MBD3: variants seen among roughly 807,000 people sequenced by gnomAD.
The protein encoded by MBD3 is methyl-CpG-binding domain protein 3.
A neutral mutation model predicts 31.2 loss-of-function variants in MBD3; 13 were observed. That is an observed-to-expected ratio of 0.42 (90% confidence interval 0.27 to 0.66). The LOEUF (loss-of-function observed/expected upper bound fraction) is 0.66. Among genes scored for constraint, MBD3 ranks in the 30% least tolerant of loss-of-function variants. The pLI, the probability that MBD3 is intolerant of heterozygous loss-of-function variation, is 0.26. For missense variants in MBD3, 440 were observed against 426.5 expected (o/e 1.03, Z -0.28); for synonymous variants, 223 against 187.4 (o/e 1.19, Z -1.55).
Position 1,585,239 on chromosome 19 carries a change from G to A in MBD3, c.111-25C>T, listed in dbSNP as rs993493523. On this transcript the variant is annotated intron_variant, in intron 1 of 6. Transcript: ENST00000434436. The surrounding 1 kb of genome is among the most constrained non-coding windows in gnomAD (Gnocchi z 4.1). Reference sequence around the variant, plus strand: ...GCTGCGGGGAGGCGGGACGGTCGGCGCCCCGGGCGGACCCCAGACCCCAAA... The same window carrying A: ...GCTGCGGGGAGGCGGGACGGTCGGCACCCCGGGCGGACCCCAGACCCCAAA... 1.9e-6 allele frequency: 3 copies of A among 1,554,024 alleles called. No homozygotes were observed. The highest frequency in any genetic ancestry group is 1.2e-5 in the South Asian group (1 of 86,174).
At position 1,582,653 on chromosome 19, in the gene MBD3, G is replaced by C. The variant is rs140807955; in HGVS notation, c.468C>G (p.Val156=). The C allele has an allele frequency of 3.7e-5, 60 of 1,613,988 alleles. No individual in the cohort carries two copies. The Middle Eastern group carries it at 6.6e-4, about 18-fold the overall frequency. Residue 156 remains valine (V), a synonymous_variant, in exon 4 of 7, where the codon GTC becomes GTG. Coordinates refer to ENST00000434436, the MANE Select transcript of MBD3 (RefSeq NM_001281453.2). ...LNAFDIAEEL[V]KTMDLPKGLQ... The stretch of plus-strand genomic sequence containing the variant: ...GGCCCTTGGGGAGGTCCATGGTCTT[G>C]ACCAGCTCCTCAGCAATGTCGAAGG...
rs1599337949 is a variant in MBD3, at chr19:1,578,074, T to G, written c.*90A>C. On this transcript the variant is annotated 3_prime_UTR_variant, in exon 7 of 7. Transcript: ENST00000434436. The surrounding 1 kb of genome is among the most constrained non-coding windows in gnomAD (Gnocchi z 6.1). ...CTCCTGGGTGTCTCCAAGGCTGGGC[T>G]TCGCCGCCGAGCCTGGTTCACGTGG... 1 of 577,956 alleles carries G rather than the reference T, an allele frequency of 1.7e-6. No homozygotes were observed. Among genetic ancestry groups the G allele is most frequent in the Admixed American group, 3.1e-5 (1 of 32,496 alleles). 35.8% of individuals were successfully genotyped at this position (577,956 alleles called of 1,614,324 possible). A position where few individuals can be genotyped will look rare whatever the true frequency, so the allele number is the denominator to read the frequency against.
At chr19:1,582,225 C>G (rs1029406440) in intron 4 of MBD3, among the ~76,000 whole-genome samples, 1 of 152,162 alleles carries the variant, frequency 6.6e-6, no homozygotes, top group African/African-American at 2.4e-5. Flanking sequence ...AAAACAACCA[C>G]CAAAACCATG....
rs982544522 is a variant in MBD3, at chr19:1,575,533, C to T, written c.*2631G>A. On this transcript the variant is annotated 3_prime_UTR_variant, in exon 7 of 7. Transcript: ENST00000434436. Reference sequence around the variant, plus strand: ...GGGCAGGCTGGTCATGAGGCCCCCACGAAAGATCCCAGCATTGGGAGCTCA... The same window carrying T: ...GGGCAGGCTGGTCATGAGGCCCCCATGAAAGATCCCAGCATTGGGAGCTCA... 5.7e-5 allele frequency: 11 copies of T among 194,568 alleles called. No homozygotes were observed. Among genetic ancestry groups the T allele is most frequent in the South Asian group, 2.0e-4 (3 of 14,888 alleles). 12.1% of individuals were successfully genotyped at this position (194,568 alleles called of 1,614,324 possible). A position where few individuals can be genotyped will look rare whatever the true frequency, so the allele number is the denominator to read the frequency against.
chr19:1,586,728 T>C (rs899914039), intron 1 of MBD3, among the ~76,000 whole-genome samples: 1 of 150,906 alleles, frequency 6.6e-6, no homozygotes. Context: ...GTGAAGTGGC[T>C]CGATCTTGGC....
rs1186286575 is a variant in MBD3, at chr19:1,585,155, A to T, written c.170T>A (p.Met57Lys). 1.2e-6 allele frequency: 2 copies of T among 1,610,402 alleles called. No homozygotes were observed. The highest frequency in any genetic ancestry group is 1.7e-6 in the Non-Finnish European group (2 of 1,179,432). The change falls in exon 2 of 7, where the codon ATG becomes AAG. Residue 57 changes from methionine (M) to lysine (K), a missense_variant. Physicochemically the swap from Met to Lys is moderately conservative, Grantham distance 95 (BLOSUM62 -1). Around this residue, in one of 3 missense-constraint regions of MBD3, gnomAD observed 179 missense variants for 134.7 expected, o/e 1.33. Coordinates refer to ENST00000434436, the MANE Select transcript of MBD3 (RefSeq NM_001281453.2). This position sits in a 1 kb window ranked among gnomAD's most constrained non-coding sequence, Gnocchi z 4.1. ...GCGGAAGTCGAAGGTGCTCAGGTCC[A>T]TGGAGCCGCCCAGGTAGCGCGCCAG... ...PQLARYLGGS[M>K]DLSTFDFRTG...
intron 1 of MBD3, among the ~76,000 whole-genome samples, chr19:1,586,855 C>G (rs1302826044): frequency 4.0e-5 from 6 of 151,454 alleles, no homozygotes. Flanking sequence ...TTAGTAGAGA[C>G]CAGGTTTCAC....
Position 1,573,704 on chromosome 19 carries a change from G to A in MBD3, c.*4460C>T, listed in dbSNP as rs985693770. 3 of 152,146 alleles carry A rather than the reference G, an allele frequency of 2.0e-5. No homozygotes were observed. The highest frequency in any genetic ancestry group is 7.2e-5 in the African/African-American group (3 of 41,426). The allele number at this position is 152,146 out of a possible 1,614,324, so 9.4% of individuals were successfully genotyped here. A position where few individuals can be genotyped will look rare whatever the true frequency, so the allele number is the denominator to read the frequency against. On this transcript the variant is annotated 3_prime_UTR_variant, in exon 7 of 7. Transcript: ENST00000434436. Reference sequence around the variant, plus strand: ...GAACGGCCGTGAGCGTGGTTATTTTGGTAACCAGAGAAGGCTAAAAATTAA... The same window carrying A: ...GAACGGCCGTGAGCGTGGTTATTTTAGTAACCAGAGAAGGCTAAAAATTAA...
At position 1,575,313 on chromosome 19, in the gene MBD3, AG is replaced by A. The variant is rs1171130723; in HGVS notation, c.*2850del. 1.1e-5 allele frequency: 5 copies of A among 441,934 alleles called. No homozygotes were observed. The highest frequency in any genetic ancestry group is 1.0e-4 in the African/African-American group (5 of 49,698). 27.4% of individuals were successfully genotyped at this position (441,934 alleles called of 1,614,324 possible). The stretch of plus-strand genomic sequence containing the variant: ...GGCGTGGTGGCTACTCGGGAGGCTG[AG>A]GCTTGAACCCAGAAGGTGGAGGTTG... On this transcript the variant is annotated 3_prime_UTR_variant, in exon 7 of 7. Coordinates refer to ENST00000434436, the MANE Select transcript of MBD3 (RefSeq NM_001281453.2).
chr19:1,592,558 C>T lies in MBD3; in HGVS notation c.74G>A (p.Gly25Glu). The T allele has an allele frequency of 6.9e-7, 1 of 1,445,194 alleles. No homozygotes were observed. The highest frequency in any genetic ancestry group is 1.2e-5 in the South Asian group (1 of 85,574). 89.5% of individuals were successfully genotyped at this position (1,445,194 alleles called of 1,614,324 possible). The change falls in exon 1 of 7, where the codon GGG becomes GAG. Residue 25 changes from glycine (G) to glutamate (E), a missense_variant. By Grantham distance (98) the Gly-to-Glu change is moderately conservative. Coordinates refer to ENST00000434436, the MANE Select transcript of MBD3 (RefSeq NM_001281453.2). ...GACATCCCTGTGGCCGGCCGACAGC[C>T]CCGACCTTCTGGGCACTTCTTCCCT... Reference protein sequence around the residue: ...WEREEVPRRSGLSAGHRDVFY... With the variant: ...WEREEVPRRSELSAGHRDVFY...
Position 1,581,207 on chromosome 19 carries a change from T to C in MBD3, c.562A>G (p.Ser188Gly). The stretch of plus-strand genomic sequence containing the variant: ...AGCTGTCCCGTGATGGGCATGGTGC[T>C]AGTGTGCAGGGCGCTGGCGATGGCC... ...LSAIASALHTSTMPITGQLSA... is the reference protein window; with the variant it reads ...LSAIASALHTGTMPITGQLSA... The change falls in exon 5 of 7, where the codon AGC (serine) becomes GGC (glycine). Residue 188 changes from serine to glycine, a missense_variant. By Grantham distance (56) the Ser-to-Gly change is moderately conservative (BLOSUM62 0). Transcript: ENST00000434436. 1.2e-6 allele frequency: 2 copies of C among 1,613,772 alleles called. No individual in the cohort carries two copies. The highest frequency in any genetic ancestry group is 1.7e-6 in the Non-Finnish European group (2 of 1,179,972).
Position 1,575,409 on chromosome 19 carries a change from T to C in MBD3, c.*2755A>G, listed in dbSNP as rs111546643. ...GAGCGAAAGAAGAGCGAAACTCTTG[T>C]CTAAAAAAAAAAAAAGTCCCAGAAG... is the stretch of plus-strand genomic sequence containing the variant. On this transcript the variant is annotated 3_prime_UTR_variant, in exon 7 of 7. Coordinates refer to ENST00000434436, the MANE Select transcript of MBD3 (RefSeq NM_001281453.2). 3 of 303,886 alleles carry C rather than the reference T, an allele frequency of 9.9e-6. No individual in the cohort carries two copies. Among genetic ancestry groups the C allele is most frequent in the African/African-American group, 2.3e-5 (1 of 43,204 alleles). 18.8% of individuals were successfully genotyped at this position (303,886 alleles called of 1,614,324 possible).
At chr19:1,579,853 GC>G (rs1175822418) in intron 5 of MBD3, among the ~76,000 whole-genome samples, 1 of 152,170 alleles carries the variant, frequency 6.6e-6, no homozygotes. Context: ...CGCCTCCCAG[GC>G]TCCAGTGATT....
At chr19:1,586,705 C>T (rs929223716) in intron 1 of MBD3, among the ~76,000 whole-genome samples, 8 of 149,820 alleles carry the variant, frequency 5.3e-5, no homozygotes, top group Non-Finnish European at 8.9e-5. Context: ...CTCACTCTGT[C>T]GCCCAGGCTG....
In MBD3 at chr19:1,576,280, C is replaced by T. The variant is rs934175786; in HGVS notation, c.*1884G>A. 1 of 152,200 alleles carries T rather than the reference C, an allele frequency of 6.6e-6. No individual in the cohort carries two copies. The highest frequency in any genetic ancestry group is 1.5e-5 in the Non-Finnish European group (1 of 68,056). The allele number at this position is 152,200 out of a possible 1,614,324, so 9.4% of individuals were successfully genotyped here. A position where few individuals can be genotyped will look rare whatever the true frequency, so the allele number is the denominator to read the frequency against. ...GGCTAGTGAGCTGAAGTCCAGGGTC[C>T]CGGGGCACAGCTCCCCTCCCTGCAG... On this transcript the variant is annotated 3_prime_UTR_variant, in exon 7 of 7. Transcript: ENST00000434436.
intron 3 of MBD3, among the ~76,000 whole-genome samples, 178 bp downstream of exon 3, chr19:1,584,362 G>A (rs547391882): frequency 5.9e-5 from 9 of 152,304 alleles, no homozygotes; most frequent in East Asian, 5.8e-4. Context: ...GACCACAGGC[G>A]GGCGCCACCA....
rs1334825876 is a variant in MBD3, at chr19:1,577,074, G to A, written c.*1090C>T. On this transcript the variant is annotated 3_prime_UTR_variant, in exon 7 of 7. Coordinates refer to ENST00000434436, the MANE Select transcript of MBD3 (RefSeq NM_001281453.2). Reference sequence around the variant, plus strand: ...CAGATCCTGGCTGGGGCAGCACCGGGACAGGCCCTCTCTATGGGCCTAAGG... The same window carrying A: ...CAGATCCTGGCTGGGGCAGCACCGGAACAGGCCCTCTCTATGGGCCTAAGG... 6.6e-6 allele frequency: 1 copy of A among 152,438 alleles called. No individual in the cohort carries two copies. The highest frequency in any genetic ancestry group is 6.5e-5 in the Admixed American group (1 of 15,296). The allele number at this position is 152,438 out of a possible 1,614,324, so 9.4% of individuals were successfully genotyped here. A position where few individuals can be genotyped will look rare whatever the true frequency, so the allele number is the denominator to read the frequency against.
In MBD3 at chr19:1,585,522, C is replaced by A; in HGVS notation, c.111-308G>T. The A allele has an allele frequency of 2.4e-6, 1 of 411,324 alleles. No homozygotes were observed. The highest frequency in any genetic ancestry group is 2.4e-5 in the South Asian group (1 of 42,448). 25.5% of individuals were successfully genotyped at this position (411,324 alleles called of 1,614,324 possible). A position where few individuals can be genotyped will look rare whatever the true frequency, so the allele number is the denominator to read the frequency against. On this transcript the variant is annotated intron_variant, in intron 1 of 6. Transcript: ENST00000434436. The surrounding 1 kb of genome is among the most constrained non-coding windows in gnomAD (Gnocchi z 4.1). ...CTGGCCCTAGCCCCAGCCTCCACATCGGATCCTTGCTCCAGACCCCCAACC... is the reference window on the plus strand; with the variant it reads ...CTGGCCCTAGCCCCAGCCTCCACATAGGATCCTTGCTCCAGACCCCCAACC...
rs745384218 is a variant in MBD3 at position 1,578,589 on chromosome 19, A to G, written c.678-51T>C. 1.2e-5 allele frequency: 19 copies of G among 1,606,800 alleles called. No individual in the cohort carries two copies. Among genetic ancestry groups the G allele is most frequent in the Non-Finnish European group, 1.6e-5 (19 of 1,179,848 alleles). Reference sequence around the variant, plus strand: ...CACCAAGGTGAGCGGCCAGCAGGACATGGACACAGGATGAACGTGGGGACC... The same window carrying G: ...CACCAAGGTGAGCGGCCAGCAGGACGTGGACACAGGATGAACGTGGGGACC... On this transcript the variant is annotated intron_variant, in intron 5 of 6. Coordinates refer to ENST00000434436, the MANE Select transcript of MBD3 (RefSeq NM_001281453.2). The surrounding 1 kb of genome is among the most constrained non-coding windows in gnomAD (Gnocchi z 6.1).
Sources: allele counts gnomAD v4.1 joint callset (sites outside exome capture counted in the v4.1 genomes callset), GRCh38; gene constraint gnomAD v4.1.1; regional missense constraint gnomAD v4.1.1; non-coding constraint Gnocchi (gnomAD v3.1); transcripts MANE v1.5; gene names NCBI Gene and HGNC (gene_info 2026-07-23, HGNC 2026-07-21).